MAGI2: variants seen among roughly 807,000 people sequenced by gnomAD.
The protein encoded by MAGI2 is membrane associated guanylate kinase, WW and PDZ domain containing 2, also known as membrane-associated guanylate kinase, WW and PDZ domain-containing protein 2.
MAGI2 carries 35 observed loss-of-function variants against 133.3 expected under a neutral mutation model. That is an observed-to-expected ratio of 0.26 (90% CI 0.20 to 0.35). The LOEUF is 0.35. Ranked by LOEUF, MAGI2 falls within the 10% of genes least tolerant of loss-of-function variation. MAGI2 has a pLI of 1.00. For synonymous variants in MAGI2, 729 were observed against 710.6 expected (o/e 1.03, Z -0.41); for missense variants, 1,636 against 1,863.4 (o/e 0.88, Z 2.25).
chr7:78,579,377 T>C lies in MAGI2; in HGVS notation c.538+47743A>G, dbSNP rs180946429. Among the ~76,000 whole-genome samples, 11 of 152,250 alleles carry C rather than the reference T, an allele frequency of 7.2e-5. No homozygotes were observed. The East Asian group carries it at 1.7e-3, about 24-fold the overall frequency. On this transcript the variant is annotated intron_variant, in intron 3 of 21. Transcript: ENST00000354212. ...TACCTCCCCAAAATATGAAGGAGGGTTGAGCTGAAGACAAACAAGAAGCAG... is the reference window on the plus strand; with the variant it reads ...TACCTCCCCAAAATATGAAGGAGGGCTGAGCTGAAGACAAACAAGAAGCAG...
chr7:78,972,900 AGAG>A (rs759084127), intron 2 of MAGI2, among the ~76,000 whole-genome samples: 1 of 151,280 alleles, frequency 6.6e-6, no homozygotes, highest in Non-Finnish European at 1.5e-5. Flanking sequence ...ACTGAAGTAA[AGAG>A]GAGATAGTTT....
intron 1 of MAGI2, among the ~76,000 whole-genome samples, chr7:79,379,585 A>G (rs1843641457): frequency 6.6e-6 from 1 of 151,946 alleles, no homozygotes; most frequent in South Asian, 2.1e-4. Flanking sequence ...CCAACAGTGT[A>G]AAAGTGTTCC....
chr7:79,265,398 C>T (rs1162142663), intron 1 of MAGI2, among the ~76,000 whole-genome samples: 1 of 152,086 alleles, frequency 6.6e-6, no homozygotes, highest in Non-Finnish European at 1.5e-5. Flanking sequence ...CAAAAATATT[C>T]AAAAATGATA....
intron 2 of MAGI2, among the ~76,000 whole-genome samples, chr7:78,912,820 T>TTC (rs201975965): frequency 0.076 from 10,752 of 141,878 alleles, 960 homozygotes; most frequent in East Asian, 0.26. Flanking sequence ...ATATCATTCA[T>TTC]ATATATATAT....
chr7:78,652,140 G>A (rs543748765), intron 2 of MAGI2, among the ~76,000 whole-genome samples: 116 of 152,240 alleles, frequency 7.6e-4, no homozygotes, highest in Non-Finnish European at 1.3e-3. Flanking sequence ...AACGGGGAGA[G>A]AAATAGGCAA....
chr7:79,009,730 C>T (rs924283558), intron 1 of MAGI2, among the ~76,000 whole-genome samples: 2 of 152,048 alleles, frequency 1.3e-5, no homozygotes, highest in Admixed American at 6.6e-5. Flanking sequence ...TATGTTCTGG[C>T]CATTGACACT....
At chr7:78,129,764 C>T (rs1236606882) in intron 18 of MAGI2, among the ~76,000 whole-genome samples, 2 of 151,776 alleles carry the variant, frequency 1.3e-5, no homozygotes, top group African/African-American at 2.4e-5. Context: ...GGAGAAACCC[C>T]GTCTCTACTA....
intron 6 of MAGI2, among the ~76,000 whole-genome samples, chr7:78,391,362 A>C (rs1795882965): frequency 8.3e-6 from 1 of 120,084 alleles, no homozygotes; most frequent in Non-Finnish European, 1.9e-5. Context: ...CTTAGAAGAG[A>C]AACATTTAGA....
At chr7:78,197,264 A>C (rs2150746437) in intron 11 of MAGI2, among the ~76,000 whole-genome samples, 1 of 152,332 alleles carries the variant, frequency 6.6e-6, no homozygotes, top group African/African-American at 2.4e-5. Flanking sequence ...AGCTGACTTT[A>C]GGCAGCATGT....
intron 6 of MAGI2, chr7:78,485,983 G>A (rs757537014): frequency 9.9e-5 from 15 of 152,166 alleles, no homozygotes; most frequent in Admixed American, 2.6e-4. Flanking sequence ...CTGAAGCAGC[G>A]TGGTCTAGAA....
chr7:78,939,107 C>T (rs1406854331), intron 2 of MAGI2, among the ~76,000 whole-genome samples: 1 of 152,146 alleles, frequency 6.6e-6, no homozygotes. Flanking sequence ...AATTCTCCTG[C>T]CTTGGCCTCC....
At chr7:79,358,284 A>G (rs1308106441) in intron 1 of MAGI2, among the ~76,000 whole-genome samples, 1 of 152,144 alleles carries the variant, frequency 6.6e-6, no homozygotes, top group Non-Finnish European at 1.5e-5. Context: ...TTGTGTAAAT[A>G]CAAATAAATG....
intron 1 of MAGI2, among the ~76,000 whole-genome samples, chr7:79,427,181 A>G (rs1453473809): frequency 6.6e-6 from 1 of 152,124 alleles, no homozygotes; most frequent in Non-Finnish European, 1.5e-5. Flanking sequence ...TACTCTGTGA[A>G]GTTAGTAAGG....
At chr7:79,009,245 T>C (rs530683690) in intron 1 of MAGI2, 5 of 152,242 alleles carry the variant, frequency 3.3e-5, no homozygotes, top group East Asian at 3.9e-4. Context: ...ACTACAGATA[T>C]ACTGAATTAC....
chr7:78,673,224 G>C (rs1814599672), intron 2 of MAGI2, among the ~76,000 whole-genome samples: 1 of 151,780 alleles, frequency 6.6e-6, no homozygotes. Flanking sequence ...TTTAGTCACT[G>C]TTATTCATTA....
At chr7:78,863,134 C>A (rs1170734287) in intron 2 of MAGI2, among the ~76,000 whole-genome samples, 1 of 152,140 alleles carries the variant, frequency 6.6e-6, no homozygotes, top group African/African-American at 2.4e-5. Context: ...GATAGCAATG[C>A]TTCCTATTTA....
intron 1 of MAGI2, among the ~76,000 whole-genome samples, chr7:79,393,394 C>A (rs185938029): frequency 6.6e-6 from 1 of 152,192 alleles, no homozygotes; most frequent in East Asian, 1.9e-4. Context: ...TGCAGTGATT[C>A]ATCTGAGTAA....
intron 1 of MAGI2, among the ~76,000 whole-genome samples, chr7:79,240,835 C>T (rs367765628): frequency 6.6e-6 from 1 of 152,060 alleles, no homozygotes; most frequent in Non-Finnish European, 1.5e-5. Flanking sequence ...TCAAAACTCT[C>T]GTTGAATTCT....
chr7:79,249,804 C>T (rs1052294849), intron 1 of MAGI2, among the ~76,000 whole-genome samples: 4 of 152,052 alleles, frequency 2.6e-5, no homozygotes, highest in African/African-American at 9.7e-5. Flanking sequence ...TCTATGAGGA[C>T]AGTATTACCC....
Sources: gnomAD v4.1 joint callset for allele counts (sites outside exome capture counted in the v4.1 genomes callset) on GRCh38, gnomAD v4.1.1 for gene constraint, MANE v1.5 for transcripts, NCBI Gene and HGNC (gene_info 2026-07-23, HGNC 2026-07-21) for gene names.